The following IL1R1 variants were observed in gnomAD, a reference collection of about 807,000 sequenced individuals.
IL1R1 encodes the protein interleukin-1 receptor type 1.
A neutral mutation model predicts 50.2 loss-of-function variants in IL1R1; 22 were observed. The ratio of observed to expected loss-of-function variants is 0.44; its 90% confidence interval spans 0.31 to 0.63. IL1R1 has a LOEUF of 0.63. Ranked by LOEUF, IL1R1 falls within the 20% of genes least tolerant of loss-of-function variation. The pLI is 0.07. For missense variants in IL1R1, 509 were observed against 676.2 expected (o/e 0.75, Z 2.74); for synonymous variants, 251 against 236.7 (o/e 1.06, Z -0.55).
intron 1 of IL1R1, among the ~76,000 whole-genome samples, chr2:102,137,045 T>G (rs6713283): frequency 6.6e-6 from 1 of 152,212 alleles, no homozygotes; most frequent in Non-Finnish European, 1.5e-5. Flanking sequence ...AAACTAAACC[T>G]ATTTGACCAT....
intron 1 of IL1R1, among the ~76,000 whole-genome samples, chr2:102,125,195 C>T (rs1385279353): frequency 6.6e-6 from 1 of 152,222 alleles, no homozygotes; most frequent in African/African-American, 2.4e-5. Flanking sequence ...GCTGCCTTTA[C>T]TCTGTAGAGT....
chr2:102,159,191 G>C, intron 3 of IL1R1, among the ~76,000 whole-genome samples: 1 of 152,172 alleles, frequency 6.6e-6, no homozygotes, highest in East Asian at 1.9e-4. Flanking sequence ...GGAAAGGTCT[G>C]GGTTGAATAT....
At chr2:102,162,976 A>G (rs940228067) in intron 3 of IL1R1, among the ~76,000 whole-genome samples, 2 of 152,130 alleles carry the variant, frequency 1.3e-5, no homozygotes, top group African/African-American at 4.8e-5. Flanking sequence ...AAATCTGAAA[A>G]AGTCAGTATT....
chr2:102,130,154 T>C (rs1369868135), intron 1 of IL1R1, among the ~76,000 whole-genome samples: 1 of 152,220 alleles, frequency 6.6e-6, no homozygotes, highest in Admixed American at 6.5e-5. Flanking sequence ...TCATGCGGTC[T>C]CTGGAAAAGT....
chr2:102,090,184 T>C (rs1270939935), intron 1 of IL1R1, among the ~76,000 whole-genome samples: 2 of 150,502 alleles, frequency 1.3e-5, no homozygotes, highest in Non-Finnish European at 3.0e-5. Context: ...GGCCTTCTAG[T>C]CCTTTGTCCC....
upstream of IL1R1, among the ~76,000 whole-genome samples, chr2:102,100,284 T>G (rs1191896988): frequency 6.6e-6 from 1 of 152,174 alleles, no homozygotes; most frequent in East Asian, 1.9e-4. Flanking sequence ...TCTCCACAAT[T>G]GAAGAGTGCC....
At chr2:102,081,995 A>G (rs956127720) in intron 1 of IL1R1, among the ~76,000 whole-genome samples, 2 of 152,218 alleles carry the variant, frequency 1.3e-5, no homozygotes, top group African/African-American at 4.8e-5. Context: ...AGCCTGCCTC[A>G]GAATACCTGG....
At chr2:102,131,108 C>A (rs1412432620) in intron 1 of IL1R1, among the ~76,000 whole-genome samples, 1 of 152,102 alleles carries the variant, frequency 6.6e-6, no homozygotes, top group Non-Finnish European at 1.5e-5. Flanking sequence ...CTATTCTCAC[C>A]AGCCAGACTG....
At chr2:102,094,326 G>A (rs1014316455) in intron 1 of IL1R1, among the ~76,000 whole-genome samples, 2 of 152,174 alleles carry the variant, frequency 1.3e-5, no homozygotes, top group Non-Finnish European at 2.9e-5. Flanking sequence ...TTTACAGAAT[G>A]CTATTTAGGC....
intron 7 of IL1R1, 85 bp downstream of exon 7, chr2:102,168,748 T>G: frequency 1.1e-6 from 1 of 941,902 alleles, no homozygotes; most frequent in South Asian, 1.5e-5. Flanking sequence ...CTTTACTATA[T>G]ATAATCTAAG....
rs142106755 is a variant in IL1R1 at position 102,151,546 on chromosome 2, G to C, written c.-83-2395G>C. Among the ~76,000 whole-genome samples the C allele has an allele frequency of 2.0e-5, 3 of 152,328 alleles. No individual in the cohort carries two copies. In the East Asian group the frequency reaches 5.8e-4, roughly 29 times the overall value. Reference sequence around the variant, plus strand: ...TGGGCCTCCTCATGGGTGTGGGAGAGGGGAGGGTCTGCTCTGCACTGCTTT... The same window carrying C: ...TGGGCCTCCTCATGGGTGTGGGAGACGGGAGGGTCTGCTCTGCACTGCTTT... On this transcript the variant is annotated intron_variant, in intron 1 of 11. Transcript: ENST00000410023.
rs549056730 is a variant in IL1R1, at chr2:102,090,734, G to T, written c.-84+20201G>T. 1.1e-4 allele frequency among the ~76,000 whole-genome samples: 17 copies of T among 152,030 alleles called. 1 individual carries two copies. Among genetic ancestry groups the T allele is most frequent in the African/African-American group, 3.9e-4 (16 of 41,466 alleles). ...CATGTTTTTCTGCATCTTCTTGAGG[G>T]TATTAATCACAGTTATTTACAGTCT... On this transcript the variant is annotated intron_variant, in intron 1 of 11. Coordinates refer to the IL1R1 transcript ENST00000409929.
chr2:102,111,912 G>C (rs1680787044), intron 1 of IL1R1, among the ~76,000 whole-genome samples: 1 of 152,188 alleles, frequency 6.6e-6, no homozygotes, highest in Non-Finnish European at 1.5e-5. Context: ...GGGCTTCTGA[G>C]TGGGCAAAGG....
chr2:102,121,477 T>C (rs12712130), intron 1 of IL1R1, among the ~76,000 whole-genome samples: 63,621 of 152,020 alleles, frequency 0.42, 15,281 homozygotes, highest in African/African-American at 0.67. Flanking sequence ...CTCCTTCTTC[T>C]GGAGTTGACC....
At chr2:102,152,030 G>T (rs1254642317) in intron 1 of IL1R1, among the ~76,000 whole-genome samples, 2 of 152,152 alleles carry the variant, frequency 1.3e-5, no homozygotes, top group African/African-American at 4.8e-5. Flanking sequence ...GCTGGAGACA[G>T]AGGGGTCTTG....
intron 3 of IL1R1, among the ~76,000 whole-genome samples, chr2:102,158,019 A>G (rs1348838403): frequency 1.3e-5 from 2 of 152,236 alleles, no homozygotes; most frequent in Non-Finnish European, 2.9e-5. Context: ...GCCCAAGGTC[A>G]TGTAGCTAGT....
chr2:102,105,468 G>A (rs1224175835), intron 1 of IL1R1, among the ~76,000 whole-genome samples: 2 of 152,132 alleles, frequency 1.3e-5, no homozygotes, highest in African/African-American at 2.4e-5. Flanking sequence ...AGGTTCAAGC[G>A]ATTCTCCTGC....
At chr2:102,129,102 T>C (rs1433527632) in intron 1 of IL1R1, among the ~76,000 whole-genome samples, 1 of 152,080 alleles carries the variant, frequency 6.6e-6, no homozygotes, top group Admixed American at 6.6e-5. Flanking sequence ...TCCCAGCTAC[T>C]TGGGAGGCTG....
rs1241205287 is a variant in IL1R1, at chr2:102,157,862, CAG to C, written c.61+80_61+81del. 5.3e-6 allele frequency: 5 copies of C among 943,560 alleles called. No individual in the cohort carries two copies. The Admixed American group carries it at 5.8e-5, about 11-fold the overall frequency. The allele number at this position is 943,560 out of a possible 1,614,324, so 58.4% of individuals were successfully genotyped here. A position where few individuals can be genotyped will look rare whatever the true frequency, so the allele number is the denominator to read the frequency against. ...AGAATACATGAAGTACCTTCCCTAA[CAG>C]AGTCATTTCTCATACTCGTCTCTGT... On this transcript the variant is annotated intron_variant, in intron 3 of 11. Transcript: ENST00000410023.
Sources: gnomAD v4.1 joint callset for allele counts (sites outside exome capture counted in the v4.1 genomes callset) on GRCh38, gnomAD v4.1.1 for gene constraint, MANE v1.5 for transcripts, NCBI Gene and HGNC (gene_info 2026-07-23, HGNC 2026-07-21) for gene names.